The following GRIP1 variants were observed in gnomAD, a reference collection of about 807,000 sequenced individuals.
GRIP1 encodes the protein glutamate receptor-interacting protein 1.
A neutral mutation model predicts 129.9 loss-of-function variants in GRIP1; 45 were observed. The observed-to-expected ratio is 0.35, with a 90% confidence interval of 0.27 to 0.44. The LOEUF (loss-of-function observed/expected upper bound fraction) is 0.44, where lower values mean the gene tolerates loss of function less well. Ranked by LOEUF, GRIP1 falls within the 20% of genes least tolerant of loss-of-function variation. The pLI is 1.00. For missense variants in GRIP1, 1,196 were observed against 1,396.8 expected (o/e 0.86, Z 2.29); for synonymous variants, 530 against 520.8 (o/e 1.02, Z -0.24).
intron 1 of GRIP1, among the ~76,000 whole-genome samples, chr12:66,956,610 A>C (rs887274201): frequency 4.6e-5 from 7 of 152,186 alleles, no homozygotes; most frequent in African/African-American, 1.2e-4. Context: ...ACAATTAATA[A>C]ATGTTTAGGA....
intron 1 of GRIP1, among the ~76,000 whole-genome samples, 171 bp from the exon 2 acceptor site, chr12:66,597,098 T>C (rs76209224): frequency 0.014 from 2,061 of 152,190 alleles, 51 homozygotes; most frequent in African/African-American, 0.048. Context: ...TCTTTGAAAA[T>C]GTTGTGAATA....
At chr12:66,806,766 TCAGAAATAAA>T, upstream of GRIP1, among the ~76,000 whole-genome samples, 1 of 152,174 alleles carries the variant, frequency 6.6e-6, no homozygotes, top group East Asian at 1.9e-4. Flanking sequence ...AACTCTGTTT[TCAGAAATAAA>T]CAGAAATTGT....
chr12:66,477,631 C>G (rs909078076), intron 7 of GRIP1, among the ~76,000 whole-genome samples: 1 of 152,196 alleles, frequency 6.6e-6, no homozygotes, highest in Non-Finnish European at 1.5e-5. Flanking sequence ...TCAAACTATA[C>G]TACAAGGTTA....
intron 1 of GRIP1, among the ~76,000 whole-genome samples, chr12:66,893,304 T>A (rs1188064503): frequency 6.6e-6 from 1 of 152,128 alleles, no homozygotes; most frequent in Non-Finnish European, 1.5e-5. Context: ...CTGAGTACAG[T>A]GGTGCGATCA....
intron 19 of GRIP1, among the ~76,000 whole-genome samples, chr12:66,387,844 CTG>C (rs2056419970): frequency 6.6e-6 from 1 of 152,152 alleles, no homozygotes; most frequent in Non-Finnish European, 1.5e-5. Context: ...GGTTTCTACT[CTG>C]TGCTATCCTC....
intron 1 of GRIP1, among the ~76,000 whole-genome samples, chr12:66,646,362 G>A (rs573985870): frequency 5.9e-5 from 9 of 152,254 alleles, no homozygotes; most frequent in South Asian, 2.1e-4. Context: ...GGTGGCTCAC[G>A]GCTGTAATCC....
chr12:66,938,819 T>C (rs946605103), intron 1 of GRIP1, among the ~76,000 whole-genome samples: 15 of 152,038 alleles, frequency 9.9e-5, no homozygotes, highest in African/African-American at 3.6e-4. Context: ...TAGCCAGGCG[T>C]GGTGGTGCAT....
At chr12:66,545,452 A>G (rs1265891227) in intron 2 of GRIP1, among the ~76,000 whole-genome samples, 2 of 152,236 alleles carry the variant, frequency 1.3e-5, no homozygotes, top group Non-Finnish European at 2.9e-5. Context: ...TTATATAGAC[A>G]AACAACAGCC....
chr12:66,536,678 A>C lies in GRIP1; in HGVS notation c.418+2400T>G, dbSNP rs899730863. 2.0e-5 allele frequency among the ~76,000 whole-genome samples: 3 copies of C among 152,156 alleles called. No individual in the cohort carries two copies. In the South Asian group the frequency reaches 6.2e-4, roughly 32 times the overall value. ...CAGCACTCTCAATCCCTCTCCTTGC[A>C]CTGCTTTTTCGCATAGCATTCATAG... On this transcript the variant is annotated intron_variant, in intron 4 of 24. Coordinates refer to ENST00000359742, the MANE Select transcript of GRIP1 (RefSeq NM_001366722.1).
intron 14 of GRIP1, among the ~76,000 whole-genome samples, chr12:66,431,957 T>TA (rs1423294188): frequency 9.9e-5 from 15 of 152,160 alleles, no homozygotes; most frequent in South Asian, 2.1e-4. Flanking sequence ...AGGATTTACT[T>TA]AAAGTAAGAG....
intron 1 of GRIP1, among the ~76,000 whole-genome samples, chr12:66,842,762 G>T (rs1227605845): frequency 6.6e-6 from 1 of 152,092 alleles, no homozygotes; most frequent in African/African-American, 2.4e-5. Flanking sequence ...GATGCTGAAT[G>T]AATTAATTAA....
chr12:66,862,030 A>C (rs775352786), intron 1 of GRIP1, among the ~76,000 whole-genome samples: 1 of 152,138 alleles, frequency 6.6e-6, no homozygotes, highest in Non-Finnish European at 1.5e-5. Context: ...TCAATTAAAA[A>C]AAATTAGGCA....
At chr12:66,364,478 A>G (rs368799882) in intron 23 of GRIP1, among the ~76,000 whole-genome samples, 112 of 152,152 alleles carry the variant, frequency 7.4e-4, no homozygotes, top group African/African-American at 2.6e-3. Flanking sequence ...TTTGCCCACA[A>G]GGAAATTCCT....
intron 1 of GRIP1, among the ~76,000 whole-genome samples, chr12:67,011,245 G>A (rs890904617): frequency 6.6e-6 from 1 of 152,062 alleles, no homozygotes; most frequent in African/African-American, 2.4e-5. Flanking sequence ...GCTTAAACTA[G>A]ATGACTGGTC....
intron 1 of GRIP1, among the ~76,000 whole-genome samples, chr12:66,691,897 C>G (rs2034995277): frequency 6.6e-6 from 1 of 152,156 alleles, no homozygotes; most frequent in South Asian, 2.1e-4. Context: ...CCACTGCTCA[C>G]AGGAAGCATC....
intron 23 of GRIP1, among the ~76,000 whole-genome samples, chr12:66,369,340 CTTTT>C (rs758593628): frequency 6.6e-5 from 7 of 106,788 alleles, no homozygotes; most frequent in Non-Finnish European, 1.3e-4. Context: ...TTAACAAGAT[CTTTT>C]TTTTTTTTTT....
chr12:66,515,045 G>A (rs1027592381), intron 7 of GRIP1, among the ~76,000 whole-genome samples: 2 of 152,080 alleles, frequency 1.3e-5, no homozygotes, highest in Non-Finnish European at 2.9e-5. Flanking sequence ...CTATAGGTAT[G>A]AGTGTAGAAA....
intron 15 of GRIP1, among the ~76,000 whole-genome samples, chr12:66,419,504 T>C (rs1314996496): frequency 6.6e-6 from 1 of 152,216 alleles, no homozygotes; most frequent in Non-Finnish European, 1.5e-5. Context: ...GGGTACCCTA[T>C]TTTCCATGAT....
chr12:66,694,032 C>G (rs764437819), intron 1 of GRIP1, among the ~76,000 whole-genome samples: 27 of 152,292 alleles, frequency 1.8e-4, no homozygotes, highest in Middle Eastern at 3.4e-3. Flanking sequence ...CCACTGCCAG[C>G]CCAGACGGTA....
Sources: allele counts gnomAD v4.1 joint callset (sites outside exome capture counted in the v4.1 genomes callset), GRCh38; gene constraint gnomAD v4.1.1; transcripts MANE v1.5; gene names NCBI Gene and HGNC (gene_info 2026-07-23, HGNC 2026-07-21).